Variants in NELL1 observed in about 807,000 individuals in gnomAD.
The protein encoded by NELL1 is neural EGFL like 1.
NELL1 carries 76 observed loss-of-function variants against 107.4 expected under a neutral mutation model. The ratio of observed to expected loss-of-function variants is 0.71; its 90% confidence interval spans 0.59 to 0.86. The LOEUF is 0.86. Among genes scored for constraint, NELL1 ranks in the 40% least tolerant of loss-of-function variants. The pLI, the probability that NELL1 is intolerant of heterozygous loss-of-function variation, is 0.00. For synonymous variants in NELL1, 353 were observed against 341.2 expected (o/e 1.03, Z -0.38); for missense variants, 1,024 against 1,005.5 (o/e 1.02, Z -0.25).
chr11:21,299,507 TTATATGTG>T (rs1234265783), intron 14 of NELL1, among the ~76,000 whole-genome samples: 1 of 138,828 alleles, frequency 7.2e-6, no homozygotes, highest in East Asian at 2.2e-4. Flanking sequence ...TTTTATTGTC[TTATATGTG>T]TGTGTGTGTG....
At chr11:21,199,276 T>C (rs534164200) in intron 13 of NELL1, among the ~76,000 whole-genome samples, 9 of 152,270 alleles carry the variant, frequency 5.9e-5, no homozygotes, top group African/African-American at 1.7e-4. Flanking sequence ...AGGTAGACTC[T>C]GTTAGCAACA....
At position 21,446,028 on chromosome 11, in the gene NELL1, TTTTAA is replaced by T. The variant is rs375657970; in HGVS notation, c.1645+75084_1645+75088del. 1.0e-3 allele frequency among the ~76,000 whole-genome samples: 158 copies of T among 152,168 alleles called. 1 individual carries two copies. The highest frequency in any genetic ancestry group is 3.4e-3 in the Middle Eastern group (1 of 292). On this transcript the variant is annotated intron_variant, in intron 15 of 19. Transcript: ENST00000357134. ...TTCTAGATCTTGTATACTTTTTTCT[TTTTAA>T]TTTTTTTTCTTTAGTCTCCTCTGAG... is the stretch of plus-strand genomic sequence containing the variant.
At chr11:21,264,071 G>GTGTGTGTGTGT (rs1554989862) in intron 14 of NELL1, among the ~76,000 whole-genome samples, 4 of 139,532 alleles carry the variant, frequency 2.9e-5, no homozygotes, top group South Asian at 2.3e-4. Flanking sequence ...TCTACAATGG[G>GTGTGTGTGTGT]GTGTGTGTGT....
chr11:21,239,871 G>A (rs1337837894), intron 14 of NELL1, among the ~76,000 whole-genome samples: 1 of 152,024 alleles, frequency 6.6e-6, no homozygotes, highest in Non-Finnish European at 1.5e-5. Context: ...AGGTGGAACA[G>A]GTGATGCAGA....
intron 15 of NELL1, among the ~76,000 whole-genome samples, chr11:21,386,946 CTACAGGATTGATGT>C (rs1481734570): frequency 3.3e-5 from 5 of 151,844 alleles, no homozygotes; most frequent in African/African-American, 1.2e-4. Context: ...AGACTTTGTG[CTACAGGATTGATGT>C]ATGCCACTTA....
intron 15 of NELL1, among the ~76,000 whole-genome samples, chr11:21,419,611 C>T (rs1852609356): frequency 6.6e-6 from 1 of 152,100 alleles, no homozygotes; most frequent in African/African-American, 2.4e-5. Context: ...CAAGGAGAAA[C>T]AGTTTCCACT....
intron 14 of NELL1, among the ~76,000 whole-genome samples, chr11:21,283,250 C>T (rs928684338): frequency 5.9e-5 from 9 of 152,128 alleles, no homozygotes; most frequent in Non-Finnish European, 8.8e-5. Flanking sequence ...TTATGCATTG[C>T]ATGCCTGTAT....
chr11:21,148,382 G>C (rs1383849168), intron 13 of NELL1, among the ~76,000 whole-genome samples: 1 of 152,128 alleles, frequency 6.6e-6, no homozygotes, highest in African/African-American at 2.4e-5. Context: ...TACTGGGAGA[G>C]ACTGGTATTT....
intron 15 of NELL1, among the ~76,000 whole-genome samples, chr11:21,472,918 T>C (rs1045521390): frequency 6.6e-6 from 1 of 151,868 alleles, no homozygotes; most frequent in African/African-American, 2.4e-5. Context: ...ATGCCTACCA[T>C]AGGTAAAACA....
At chr11:20,932,150 A>G (rs1850631610) in intron 9 of NELL1, among the ~76,000 whole-genome samples, 1 of 152,138 alleles carries the variant, frequency 6.6e-6, no homozygotes, top group Non-Finnish European at 1.5e-5. Flanking sequence ...TATTTAATAT[A>G]CCTATTTGCA....
intron 5 of NELL1, among the ~76,000 whole-genome samples, chr11:20,908,843 T>C (rs1296972138): frequency 1.3e-5 from 2 of 152,160 alleles, no homozygotes; most frequent in Non-Finnish European, 2.9e-5. Flanking sequence ...GGTAAAAGAA[T>C]TGAAAACAGG....
At chr11:21,276,955 A>T (rs551026630) in intron 14 of NELL1, among the ~76,000 whole-genome samples, 6 of 151,322 alleles carry the variant, frequency 4.0e-5, no homozygotes, top group Non-Finnish European at 8.9e-5. Flanking sequence ...CTAGAAGAAA[A>T]CCTAGGCAAT....
chr11:21,268,644 C>G (rs979100178), intron 14 of NELL1, among the ~76,000 whole-genome samples: 1 of 152,072 alleles, frequency 6.6e-6, no homozygotes, highest in Non-Finnish European at 1.5e-5. Flanking sequence ...AAGAATGAGA[C>G]CTAATCATAT....
intron 5 of NELL1, among the ~76,000 whole-genome samples, chr11:20,909,071 T>A (rs976174020): frequency 1.3e-5 from 2 of 152,206 alleles, no homozygotes; most frequent in Non-Finnish European, 2.9e-5. Context: ...GAAGGAACCA[T>A]GCACAAAAGG....
At chr11:21,569,600 T>A (rs1205513692) in intron 17 of NELL1, among the ~76,000 whole-genome samples, 1 of 151,880 alleles carries the variant, frequency 6.6e-6, no homozygotes, top group Admixed American at 6.6e-5. Context: ...ATGAAACATC[T>A]CAGTGAGTAC....
At chr11:21,281,564 G>T (rs1051713248) in intron 14 of NELL1, among the ~76,000 whole-genome samples, 2 of 152,094 alleles carry the variant, frequency 1.3e-5, no homozygotes, top group Non-Finnish European at 2.9e-5. Context: ...GAACTTAGGG[G>T]GTAGCCAGTT....
chr11:21,307,186 C>T (rs953191681), intron 14 of NELL1, among the ~76,000 whole-genome samples: 2 of 151,920 alleles, frequency 1.3e-5, no homozygotes, highest in South Asian at 4.1e-4. Context: ...GGTGTCATGG[C>T]TGTCAACATC....
intron 2 of NELL1, among the ~76,000 whole-genome samples, chr11:20,701,847 T>C (rs537846478): frequency 3.9e-5 from 6 of 152,316 alleles, no homozygotes; most frequent in South Asian, 2.1e-4. Flanking sequence ...CTGAGGGCTC[T>C]GTTCTGTTCC....
chr11:20,929,893 A>G (rs555596547), intron 9 of NELL1, among the ~76,000 whole-genome samples: 1 of 150,546 alleles, frequency 6.6e-6, no homozygotes, highest in Non-Finnish European at 1.5e-5. Context: ...AATTGCTTGA[A>G]CCCGGGAGGC....
Sources: allele counts gnomAD v4.1 joint callset (sites outside exome capture counted in the v4.1 genomes callset), GRCh38; gene constraint gnomAD v4.1.1; transcripts MANE v1.5; gene names NCBI Gene and HGNC (gene_info 2026-07-23, HGNC 2026-07-21).